The following SMARCA2 variants were observed in gnomAD, a reference collection of about 807,000 sequenced individuals.
SMARCA2 encodes SWI/SNF related BAF chromatin remodeling complex subunit ATPase 2, also known as SWI/SNF-related matrix-associated actin-dependent regulator of chromatin subfamily A member 2.
In SMARCA2, 61 loss-of-function variants were observed where a neutral mutation model predicts 199.8. The ratio of observed to expected loss-of-function variants is 0.31; its 90% CI spans 0.25 to 0.38. SMARCA2 has a LOEUF of 0.38. Ranked by LOEUF, SMARCA2 falls within the 10% of genes least tolerant of loss-of-function variation. The probability of loss-of-function intolerance (pLI) is 1.00; values close to 1 mark genes in which losing one functional copy is unlikely to be tolerated. For missense variants in SMARCA2, 1,344 were observed against 2,012.2 expected, an observed-to-expected ratio of 0.67 and a Z score of 6.35; for synonymous variants, 935 against 732.0, an observed-to-expected ratio of 1.28 and a Z score of -4.48.
chr9:2,176,085 T>C (rs61268530), intron 29 of SMARCA2, among the ~76,000 whole-genome samples: 3,931 of 152,026 alleles, frequency 0.026, 161 homozygotes, highest in African/African-American at 0.089. Flanking sequence ...TTCTCCATGT[T>C]GGTCAGGCTG....
chr9:2,146,379 G>A (rs764097028), intron 27 of SMARCA2, among the ~76,000 whole-genome samples: 9 of 152,196 alleles, frequency 5.9e-5, no homozygotes, highest in Admixed American at 3.3e-4. Context: ...AGAAATATGC[G>A]AAATCAGGAT....
intron 29 of SMARCA2, among the ~76,000 whole-genome samples, chr9:2,174,141 A>G (rs2129771011): frequency 6.6e-6 from 1 of 152,250 alleles, no homozygotes; most frequent in Admixed American, 6.5e-5. Context: ...TTCCAGCATT[A>G]GCCTGGCCCT....
Position 2,087,063 on chromosome 9 carries a change from G to A in SMARCA2, c.2761G>A (p.Gly921Ser). The A allele has an allele frequency of 6.2e-7, 1 of 1,614,150 alleles. No homozygotes were observed. Among genetic ancestry groups the A allele is most frequent in the Non-Finnish European group, 8.5e-7 (1 of 1,179,990 alleles). The stretch of plus-strand genomic sequence containing the variant: ...GTTCAATGCTCCATTTGCCATGACT[G>A]GTGAAAGGGTACTGGTCTGAGTTCT... ...QWFNAPFAMT[G>S]ERVDLNEEET... The change falls in exon 18 of 34, where the codon GGT becomes AGT. Residue 921 changes from glycine (G) to serine (S), a missense_variant. Coordinates refer to ENST00000349721, the MANE Select transcript of SMARCA2 (RefSeq NM_003070.5).
In SMARCA2 at chr9:2,104,576, C is replaced by T. The variant is rs1784793999; in HGVS notation, c.3292+407C>T. 6.6e-6 allele frequency among the ~76,000 whole-genome samples: 1 copy of T among 152,138 alleles called. No individual in the cohort carries two copies. Among genetic ancestry groups the T allele is most frequent in the African/African-American group, 2.4e-5 (1 of 41,430 alleles). On this transcript the variant is annotated intron_variant, in intron 23 of 33. Coordinates refer to ENST00000349721, the MANE Select transcript of SMARCA2 (RefSeq NM_003070.5). This position sits in a 1 kb window ranked among gnomAD's most constrained non-coding sequence, Gnocchi z 4.0. ...AAGGCTATGTCACTTTTCTTTGTAA[C>T]AATACAATCATTCATTTAAGATTAT... is the stretch of plus-strand genomic sequence containing the variant.
rs887291939 is a variant in SMARCA2, at chr9:2,192,716, G to T, written c.4750G>T (p.Gly1584Ter). 6.2e-7 allele frequency: 1 copy of T among 1,608,408 alleles called. No individual in the cohort carries two copies. Among genetic ancestry groups the T allele is most frequent in the Non-Finnish European group, 8.5e-7 (1 of 1,174,926 alleles). The part of the protein sequence containing the change: ...EEQDEREQSE[G>*]SGTDDE ...TTTTTACTTTTAGGAACAGTCAGAA[G>T]GAAGTGGGACGGATGATGAGTGATC... The change falls in exon 34 of 34, where the codon GGA (glycine) becomes TGA (stop). Residue 1584 changes from glycine to a stop codon, truncating the protein, a stop_gained. Coordinates refer to ENST00000349721, the MANE Select transcript of SMARCA2 (RefSeq NM_003070.5). LOFTEE classifies it high-confidence loss of function.
intron 10 of SMARCA2, among the ~76,000 whole-genome samples, chr9:2,072,631 G>T (rs1034615001): frequency 1.3e-5 from 2 of 152,216 alleles, no homozygotes; most frequent in Admixed American, 6.5e-5. Flanking sequence ...CTTTGCAATA[G>T]TTGTTATCTG....
intron 32 of SMARCA2, among the ~76,000 whole-genome samples, chr9:2,186,943 G>T (rs1827501813): frequency 6.6e-6 from 1 of 152,212 alleles, no homozygotes; most frequent in African/African-American, 2.4e-5. Flanking sequence ...AACCTGGAGG[G>T]CTTGAAGAAT....
At chr9:2,052,487 GA>G (rs760880717) in intron 5 of SMARCA2, among the ~76,000 whole-genome samples, 1 of 151,132 alleles carries the variant, frequency 6.6e-6, no homozygotes, top group East Asian at 2.0e-4. Context: ...AACAAACAAA[GA>G]AAAAACAATA....
chr9:2,107,639 A>G (rs950399313), intron 23 of SMARCA2, among the ~76,000 whole-genome samples: 1 of 152,202 alleles, frequency 6.6e-6, no homozygotes, highest in African/African-American at 2.4e-5. Context: ...AATACACACC[A>G]GATATATGGT....
chr9:2,153,131 AATGTTGGAAG>A (rs777062631), intron 27 of SMARCA2, among the ~76,000 whole-genome samples: 24 of 152,340 alleles, frequency 1.6e-4, no homozygotes, highest in Non-Finnish European at 2.5e-4. Context: ...CAAAGGATAA[AATGTTGGAAG>A]CCAACCCAAA....
chr9:2,176,190 T>TG (rs1563829240), intron 29 of SMARCA2, among the ~76,000 whole-genome samples: 1 of 135,926 alleles, frequency 7.4e-6, no homozygotes, highest in East Asian at 1.9e-4. Context: ...CTGTTTTTTT[T>TG]TTTTTTTTTT....
intron 27 of SMARCA2, among the ~76,000 whole-genome samples, chr9:2,143,276 CAG>C (rs1382572135): frequency 6.6e-6 from 1 of 152,086 alleles, no homozygotes; most frequent in Non-Finnish European, 1.5e-5. Flanking sequence ...GTGTTTGGGA[CAG>C]AGTTTTTAAC....
At chr9:2,054,797 C>T in intron 6 of SMARCA2, 74 bp downstream of exon 6, 1 of 1,475,462 alleles carries the variant, frequency 6.8e-7, no homozygotes, top group Non-Finnish European at 9.4e-7. Flanking sequence ...ATCTGTGTTG[C>T]CTTTAGTCTA....
chr9:2,121,074 A>G (rs1823439381), intron 26 of SMARCA2, among the ~76,000 whole-genome samples: 7 of 152,234 alleles, frequency 4.6e-5, no homozygotes. Flanking sequence ...CTAAAGCCGC[A>G]GATACTCTCA....
intron 1 of SMARCA2, among the ~76,000 whole-genome samples, chr9:2,022,535 T>G (rs1430863408): frequency 6.6e-6 from 1 of 152,226 alleles, no homozygotes; most frequent in Non-Finnish European, 1.5e-5. Flanking sequence ...TCAGGGCCAG[T>G]TGACATTAAT....
At chr9:2,128,658 T>G (rs965895867) in intron 27 of SMARCA2, among the ~76,000 whole-genome samples, 1 of 152,218 alleles carries the variant, frequency 6.6e-6, no homozygotes, top group Non-Finnish European at 1.5e-5. Flanking sequence ...TATAAAAGTA[T>G]GTAACTGTAT....
rs545529239 is a variant in SMARCA2, at chr9:2,065,461, T to C, written c.1692+4475T>C. On this transcript the variant is annotated intron_variant, in intron 9 of 33. Coordinates refer to ENST00000349721, the MANE Select transcript of SMARCA2 (RefSeq NM_003070.5). ...TTATCCTGTCTCTCTCTCTCTCTCT[T>C]TCTCCTTACCAACCGCTATTATAAG... Among the ~76,000 whole-genome samples, 132 of 152,152 alleles carry C rather than the reference T, an allele frequency of 8.7e-4. 1 individual carries two copies. Among genetic ancestry groups the C allele is most frequent in the African/African-American group, 3.0e-3 (124 of 41,528 alleles).
In SMARCA2 at chr9:2,161,047, A is replaced by G. The variant is rs1586771915; in HGVS notation, c.3982-639A>G. ...GCAAGCGTTTGCAGGTAATTGGAAA[A>G]AAGTGTTTATTGTTTGTGAGTGTGT... On this transcript the variant is annotated intron_variant, in intron 27 of 33. Transcript: ENST00000349721. This position sits in a 1 kb window ranked among gnomAD's most constrained non-coding sequence, Gnocchi z 4.7. The G allele has an allele frequency of 6.2e-6, 1 of 160,818 alleles. No homozygotes were observed. Among genetic ancestry groups the G allele is most frequent in the South Asian group, 1.9e-4 (1 of 5,316 alleles). 10.0% of individuals were successfully genotyped at this position (160,818 alleles called of 1,614,324 possible). A position where few individuals can be genotyped will look rare whatever the true frequency, so the allele number is the denominator to read the frequency against.
At chr9:2,084,055 A>C in intron 16 of SMARCA2, 31 bp from the exon 17 acceptor site, 4 of 1,150,038 alleles carry the variant, frequency 3.5e-6, no homozygotes, top group Non-Finnish European at 5.3e-6. Flanking sequence ...TGTCCATAGG[A>C]TCATGCATGT....
Sources: gnomAD v4.1 joint callset for allele counts (sites outside exome capture counted in the v4.1 genomes callset) on GRCh38, gnomAD v4.1.1 for gene constraint, Gnocchi (gnomAD v3.1) non-coding constraint, MANE v1.5 for transcripts, NCBI Gene and HGNC (gene_info 2026-07-23, HGNC 2026-07-21) for gene names.